The following CHST1 variants were observed in gnomAD, a reference collection of about 807,000 sequenced individuals.
CHST1 encodes the protein Keratan sulfotransferase.
A neutral mutation model predicts 22.5 loss-of-function variants in CHST1; 10 were observed. The observed-to-expected ratio is 0.44, with a 90% CI of 0.27 to 0.75. CHST1 has a LOEUF of 0.75. CHST1 is among the 30% of genes least tolerant of loss of function. CHST1 has a pLI of 0.15. For synonymous variants in CHST1, 267 were observed against 264.5 expected (o/e 1.01, Z -0.09); for missense variants, 439 against 576.1 (o/e 0.76, Z 2.44).
In CHST1 at chr11:45,648,118, T is replaced by C. The variant is rs1851940865; in HGVS notation, c.*1570A>G. Among the ~76,000 whole-genome samples, 1 of 152,136 alleles carries C rather than the reference T, an allele frequency of 6.6e-6. No individual in the cohort carries two copies. The highest frequency in any genetic ancestry group is 2.4e-5 in the African/African-American group (1 of 41,438). ...GATTCTCTGCCAGTGTAGACACCAG[T>C]AAACCTGTACCAGTTATTCAAATAG... On this transcript the variant is annotated 3_prime_UTR_variant, in exon 4 of 4. Transcript: ENST00000308064.
intron 1 of CHST1, among the ~76,000 whole-genome samples, chr11:45,663,595 C>T (rs534683143): frequency 6.6e-6 from 1 of 152,224 alleles, no homozygotes; most frequent in East Asian, 1.9e-4. Context: ...GGGGGTGGCA[C>T]CTGGCCATGA....
chr11:45,661,800 G>A (rs750411845), intron 1 of CHST1, among the ~76,000 whole-genome samples: 13 of 152,202 alleles, frequency 8.5e-5, no homozygotes, highest in Non-Finnish European at 1.5e-4. Context: ...GGGAACCTGA[G>A]GGCCATGGAG....
chr11:45,659,027 G>A (rs1004049025), intron 1 of CHST1, among the ~76,000 whole-genome samples: 3 of 152,196 alleles, frequency 2.0e-5, no homozygotes, highest in African/African-American at 4.8e-5. Flanking sequence ...CCGTGGGGAC[G>A]AGGACTGGGG....
Position 45,650,300 on chromosome 11 carries a change from C to T in CHST1, c.624G>A (p.Val208=), listed in dbSNP as rs1027886195. 9 of 1,605,246 alleles carry T rather than the reference C, an allele frequency of 5.6e-6. 1 individual carries two copies. The highest frequency in any genetic ancestry group is 7.6e-6 in the Non-Finnish European group (9 of 1,179,608). The change falls in exon 4 of 4, where the codon GTG becomes GTA. Residue 208 remains valine, a synonymous_variant. Coordinates refer to ENST00000308064, the MANE Select transcript of CHST1 (RefSeq NM_003654.6). ...GCAGGTCGTTCACCTCGGGCACGCG[C>T]ACCGTCTTGATGGCCACGTGGCTGC... is the stretch of plus-strand genomic sequence containing the variant. ...RERSHVAIKT[V]RVPEVNDLRA...
chr11:45,650,944 C>T lies in CHST1; in HGVS notation c.-21G>A. 6.6e-7 allele frequency: 1 copy of T among 1,519,538 alleles called. No homozygotes were observed. Among genetic ancestry groups the T allele is most frequent in the South Asian group, 1.3e-5 (1 of 75,382 alleles). 94.1% of individuals were successfully genotyped at this position (1,519,538 alleles called of 1,614,324 possible). On this transcript the variant is annotated 5_prime_UTR_variant, in exon 4 of 4. Coordinates refer to ENST00000308064, the MANE Select transcript of CHST1 (RefSeq NM_003654.6). ...TGCATGGCTGGGCACCTTCATGGGG[C>T]TGCTTCTCCAAGGGGTGAGGTCTGT...
rs1293878619 is a variant in CHST1 at position 45,648,340 on chromosome 11, T to C, written c.*1348A>G. Among the ~76,000 whole-genome samples, 1 of 152,004 alleles carries C rather than the reference T, an allele frequency of 6.6e-6. No individual in the cohort carries two copies. Among genetic ancestry groups the C allele is most frequent in the Non-Finnish European group, 1.5e-5 (1 of 67,998 alleles). On this transcript the variant is annotated 3_prime_UTR_variant, in exon 4 of 4. Transcript: ENST00000308064. ...CAAGCCATACCACTTGTTAAAGACTTTGAACATTATCCCTGGCTATAAGTT... is the reference window on the plus strand; with the variant it reads ...CAAGCCATACCACTTGTTAAAGACTCTGAACATTATCCCTGGCTATAAGTT...
At position 45,649,060 on chromosome 11, in the gene CHST1, G is replaced by A. The variant is rs1009254596; in HGVS notation, c.*628C>T. 1 of 152,194 alleles carries A rather than the reference G, an allele frequency of 6.6e-6. No homozygotes were observed. The highest frequency in any genetic ancestry group is 2.4e-5 in the African/African-American group (1 of 41,262). The allele number at this position is 152,194 out of a possible 1,614,324, so 9.4% of individuals were successfully genotyped here. A position where few individuals can be genotyped will look rare whatever the true frequency, so the allele number is the denominator to read the frequency against. ...ATCACTGGTCCAGGGGCGGCCACGA[G>A]ACTCAGACAGACAGACAGCATCACC... On this transcript the variant is annotated 3_prime_UTR_variant, in exon 4 of 4. Transcript: ENST00000308064.
At position 45,647,955 on chromosome 11, in the gene CHST1, A is replaced by G. The variant is rs999963425; in HGVS notation, c.*1733T>C. Among the ~76,000 whole-genome samples, 1 of 152,148 alleles carries G rather than the reference A, an allele frequency of 6.6e-6. No homozygotes were observed. The highest frequency in any genetic ancestry group is 1.9e-4 in the East Asian group (1 of 5,200). ...GGACCCCTGGGGCTGCCTAATCACCAGACACTCCTTTGTCCCAGGACAACA... is the reference window on the plus strand; with the variant it reads ...GGACCCCTGGGGCTGCCTAATCACCGGACACTCCTTTGTCCCAGGACAACA... On this transcript the variant is annotated 3_prime_UTR_variant, in exon 4 of 4. Transcript: ENST00000308064.
At chr11:45,653,968 G>A (rs996822627) in intron 1 of CHST1, among the ~76,000 whole-genome samples, 4 of 152,134 alleles carry the variant, frequency 2.6e-5, no homozygotes, top group Admixed American at 2.0e-4. Flanking sequence ...ATAATAAGGA[G>A]CCAGGATTCC....
chr11:45,651,007 G>T, intron 3 of CHST1, 42 bp from the exon 4 acceptor site: 1 of 1,426,976 alleles, frequency 7.0e-7, no homozygotes, highest in Non-Finnish European at 9.3e-7. Context: ...CTCCACGGCG[G>T]GGGCACTGGC....
At chr11:45,654,465 C>T (rs1187587712) in intron 1 of CHST1, among the ~76,000 whole-genome samples, 3 of 152,244 alleles carry the variant, frequency 2.0e-5, no homozygotes, top group Non-Finnish European at 4.4e-5. Flanking sequence ...GAAATGTCCC[C>T]GCTCTCCCAG....
At position 45,650,795 on chromosome 11, in the gene CHST1, G is replaced by T; in HGVS notation, c.129C>A (p.Ala43=). ...TGGGGCTCTCCTCGCACAGTCGCTC[G>T]GCCAGCCCGGCCTCTGCCAGCCCGG... ...TCPGLAEAGL[A]ERLCEESPTF... is the part of the protein sequence containing the mutation. The change falls in exon 4 of 4, where the codon GCC becomes GCA. Residue 43 remains alanine (A), a synonymous_variant. Coordinates refer to ENST00000308064, the MANE Select transcript of CHST1 (RefSeq NM_003654.6). 2 of 1,613,296 alleles carry T rather than the reference G, an allele frequency of 1.2e-6. No individual in the cohort carries two copies. Among genetic ancestry groups the T allele is most frequent in the East Asian group, 2.2e-5 (1 of 44,872 alleles).
intron 3 of CHST1, chr11:45,651,509 G>A: frequency 6.5e-6 from 1 of 152,856 alleles, no homozygotes; most frequent in South Asian, 2.1e-4. Flanking sequence ...GCACGGCCAG[G>A]CAAGGTGGAC....
chr11:45,664,735 A>G (rs34264431), intron 1 of CHST1, among the ~76,000 whole-genome samples: 58,963 of 152,112 alleles, frequency 0.39, 11,711 homozygotes, highest in Middle Eastern at 0.49. Context: ...AGCAGGAAGC[A>G]GGGAGCGGCG....
chr11:45,650,052 G>C lies in CHST1; in HGVS notation c.872C>G (p.Pro291Arg). ...NSVSTGLMRPPWLKGKYMLVR... is the reference protein window; with the variant it reads ...NSVSTGLMRPRWLKGKYMLVR... ...CAACATGTACTTGCCCTTGAGCCAC[G>C]GGGGCCGCATGAGGCCGGTGGACAC... The change falls in exon 4 of 4, where the codon CCG becomes CGG. Residue 291 changes from proline (P) to arginine (R), a missense_variant. Physicochemically the swap from Pro to Arg is moderately radical, Grantham distance 103. Transcript: ENST00000308064. 2.5e-6 allele frequency: 4 copies of C among 1,614,070 alleles called. No homozygotes were observed. The highest frequency in any genetic ancestry group is 3.4e-6 in the Non-Finnish European group (4 of 1,180,000).
chr11:45,649,629 C>T lies in CHST1; in HGVS notation c.*59G>A, dbSNP rs1851963030. ...GGGTTAATAAGGCAACAGTTAAAAA[C>T]GGTCCATTTTATCAAAACCGACACC... is the stretch of plus-strand genomic sequence containing the variant. On this transcript the variant is annotated 3_prime_UTR_variant, in exon 4 of 4. Transcript: ENST00000308064. The T allele has an allele frequency of 4.0e-6, 6 of 1,485,592 alleles. No homozygotes were observed. Among genetic ancestry groups the T allele is most frequent in the South Asian group, 2.7e-5 (2 of 74,964 alleles). 92.0% of individuals were successfully genotyped at this position (1,485,592 alleles called of 1,614,324 possible).
intron 1 of CHST1, among the ~76,000 whole-genome samples, chr11:45,661,704 G>T (rs1477192032): frequency 1.3e-5 from 2 of 152,238 alleles, no homozygotes; most frequent in Non-Finnish European, 2.9e-5. Flanking sequence ...CTGACAGCTG[G>T]TTGTGATGGG....
chr11:45,658,457 T>G (rs1363032537), intron 1 of CHST1, among the ~76,000 whole-genome samples: 2 of 152,188 alleles, frequency 1.3e-5, no homozygotes, highest in Non-Finnish European at 2.9e-5. Context: ...CCTGCTCCAC[T>G]GAAGCGCCAG....
At chr11:45,663,475 A>G (rs886679442) in intron 1 of CHST1, among the ~76,000 whole-genome samples, 9 of 152,078 alleles carry the variant, frequency 5.9e-5, no homozygotes, top group African/African-American at 2.2e-4. Flanking sequence ...TGGGGAGGAA[A>G]CCCCTGGCCA....
Sources: gnomAD v4.1 joint callset for allele counts (sites outside exome capture counted in the v4.1 genomes callset) on GRCh38, gnomAD v4.1.1 for gene constraint, MANE v1.5 for transcripts, NCBI Gene and HGNC (gene_info 2026-07-23, HGNC 2026-07-21) for gene names.